PIP5K1B: variants seen among roughly 807,000 people sequenced by gnomAD.
PIP5K1B encodes the protein phosphatidylinositol-4-phosphate 5-kinase type 1 beta, also known as phosphatidylinositol 4-phosphate 5-kinase type-1 beta.
A neutral mutation model predicts 67.0 loss-of-function variants in PIP5K1B; 42 were observed. The ratio of observed to expected loss-of-function variants is 0.63; its 90% CI spans 0.49 to 0.81. The LOEUF (loss-of-function observed/expected upper bound fraction) is 0.81, where lower values mean the gene tolerates loss of function less well. Ranked by LOEUF, PIP5K1B falls within the 30% of genes least tolerant of loss-of-function variation. The probability of loss-of-function intolerance (pLI) is 0.00; values close to 1 mark genes in which losing one functional copy is unlikely to be tolerated. For synonymous variants in PIP5K1B, 214 were observed against 231.4 expected, an observed-to-expected ratio of 0.92 and a Z score of 0.68; for missense variants, 459 against 646.3, an observed-to-expected ratio of 0.71 and a Z score of 3.14.
At chr9:68,784,218 G>C (rs901316493) in intron 2 of PIP5K1B, 1 of 167,078 alleles carries the variant, frequency 6.0e-6, no homozygotes, top group Non-Finnish European at 1.5e-5. Flanking sequence ...GGCTTACTTA[G>C]CTCGTGTAAG....
chr9:68,951,841 C>A (rs1423336157), intron 14 of PIP5K1B, among the ~76,000 whole-genome samples: 2 of 152,192 alleles, frequency 1.3e-5, no homozygotes, highest in Non-Finnish European at 2.9e-5. Context: ...CATGTGCAAT[C>A]ACCTTCAACT....
intron 14 of PIP5K1B, among the ~76,000 whole-genome samples, chr9:68,969,018 C>T (rs868249445): frequency 1.3e-4 from 20 of 152,120 alleles, no homozygotes; most frequent in African/African-American, 4.6e-4. Context: ...TTCTGAGGGC[C>T]TCATGTGCTT....
intron 14 of PIP5K1B, among the ~76,000 whole-genome samples, chr9:68,982,047 T>C (rs1159511700): frequency 2.0e-5 from 3 of 152,182 alleles, no homozygotes; most frequent in South Asian, 4.1e-4. Context: ...GCAAATTACA[T>C]GCAATTAGCC....
chr9:68,965,051 A>G (rs1640661044), intron 14 of PIP5K1B, among the ~76,000 whole-genome samples: 1 of 152,204 alleles, frequency 6.6e-6, no homozygotes. Context: ...TTATATGGCC[A>G]TGGTTTTCAG....
At chr9:68,815,354 G>A (rs1009429998) in intron 2 of PIP5K1B, among the ~76,000 whole-genome samples, 2 of 151,054 alleles carry the variant, frequency 1.3e-5, no homozygotes, top group African/African-American at 4.9e-5. Flanking sequence ...TATTAATGAC[G>A]AAAGCTAAAA....
chr9:68,848,449 G>A (rs961058557), intron 4 of PIP5K1B, among the ~76,000 whole-genome samples: 14 of 152,138 alleles, frequency 9.2e-5, no homozygotes, highest in African/African-American at 3.4e-4. Context: ...CCCACAAGCT[G>A]CTGTTACATG....
At chr9:68,842,388 G>A (rs1821962105) in intron 4 of PIP5K1B, among the ~76,000 whole-genome samples, 1 of 152,218 alleles carries the variant, frequency 6.6e-6, no homozygotes, top group African/African-American at 2.4e-5. Context: ...TTTAAAAATA[G>A]TAATATCACT....
chr9:68,871,575 A>C (rs1259508077), intron 5 of PIP5K1B, among the ~76,000 whole-genome samples: 9 of 152,354 alleles, frequency 5.9e-5, no homozygotes, highest in African/African-American at 1.7e-4. Context: ...TCAGAATGCC[A>C]GAGCTGGTCT....
intron 2 of PIP5K1B, among the ~76,000 whole-genome samples, chr9:68,802,430 AAATG>A (rs1832648711): frequency 6.7e-6 from 1 of 149,716 alleles, no homozygotes; most frequent in Admixed American, 6.6e-5. Flanking sequence ...GATGGATAGA[AAATG>A]GATGGATGGA....
At chr9:69,000,066 T>C (rs922005531) in intron 15 of PIP5K1B, among the ~76,000 whole-genome samples, 2 of 152,266 alleles carry the variant, frequency 1.3e-5, no homozygotes, top group South Asian at 4.1e-4. Flanking sequence ...GGCGCAAAAA[T>C]GAAGGTGTTA....
rs768206585 is a variant in PIP5K1B at position 68,917,548 on chromosome 9, G to A, written c.772G>A (p.Val258Met). ...CTTCCTGGTTCTTTTTCTCATTCAGGTGCTAGAAAGCTTCAAGATCATGGA... is the reference window on the plus strand; with the variant it reads ...CTTCCTGGTTCTTTTTCTCATTCAGATGCTAGAAAGCTTCAAGATCATGGA... ...LMKTLQRDCR[V>M]LESFKIMDYS... The change falls in exon 9 of 16, where the codon GTG becomes ATG. Residue 258 changes from valine to methionine, a missense_variant and splice_region_variant. Val to Met is a conservative substitution (Grantham distance 21). Around this residue, in one of 2 missense-constraint regions of PIP5K1B, gnomAD observed 290 missense variants for 474.4 expected, o/e 0.61. Coordinates refer to ENST00000265382, the MANE Select transcript of PIP5K1B (RefSeq NM_003558.4). 1.9e-6 allele frequency: 3 copies of A among 1,611,414 alleles called. No individual in the cohort carries two copies. The highest frequency in any genetic ancestry group is 2.2e-5 in the East Asian group (1 of 44,868).
chr9:68,712,067 G>A (rs1026483469), intron 1 of PIP5K1B, among the ~76,000 whole-genome samples: 3 of 152,212 alleles, frequency 2.0e-5, no homozygotes, highest in Non-Finnish European at 4.4e-5. Context: ...TGCTAGAGGT[G>A]GGGCCTGATG....
chr9:68,929,965 C>G (rs1003865140), intron 12 of PIP5K1B, among the ~76,000 whole-genome samples: 1 of 152,350 alleles, frequency 6.6e-6, no homozygotes, highest in East Asian at 1.9e-4. Context: ...CCACCGCACC[C>G]AGCCTCTTTC....
intron 8 of PIP5K1B, among the ~76,000 whole-genome samples, chr9:68,908,352 T>C (rs1355045436): frequency 3.3e-5 from 5 of 151,690 alleles, no homozygotes; most frequent in Admixed American, 6.6e-5. Context: ...TATATATATA[T>C]ACATACACAC....
chr9:68,792,085 G>T (rs558320193), intron 2 of PIP5K1B, among the ~76,000 whole-genome samples: 2 of 152,168 alleles, frequency 1.3e-5, no homozygotes, highest in Non-Finnish European at 1.5e-5. Context: ...CTACAACCAC[G>T]GTCAGTTAGG....
chr9:68,722,774 A>C (rs192858686), intron 1 of PIP5K1B, among the ~76,000 whole-genome samples: 1 of 152,156 alleles, frequency 6.6e-6, no homozygotes, highest in Admixed American at 6.5e-5. Context: ...CAGGGTAATG[A>C]GGATATCACC....
intron 2 of PIP5K1B, among the ~76,000 whole-genome samples, chr9:68,752,784 CTT>C (rs199504036): frequency 0.012 from 1,811 of 152,298 alleles, 15 homozygotes; most frequent in Non-Finnish European, 0.018. Flanking sequence ...TACAAAAACT[CTT>C]TATTGGTTAA....
intron 2 of PIP5K1B, chr9:68,788,553 C>T (rs781708356): frequency 6.9e-5 from 19 of 275,992 alleles, no homozygotes; most frequent in Non-Finnish European, 1.2e-4. Context: ...AGTGGTTCCA[C>T]AGAACAATGG....
intron 12 of PIP5K1B, among the ~76,000 whole-genome samples, 188 bp from the exon 13 acceptor site, chr9:68,934,702 A>G (rs1337831616): frequency 1.3e-5 from 2 of 152,352 alleles, no homozygotes; most frequent in Middle Eastern, 3.4e-3. Context: ...CAAATAATAT[A>G]GCCAATTCAT....
Sources: gnomAD v4.1 joint callset for allele counts (sites outside exome capture counted in the v4.1 genomes callset) on GRCh38, gnomAD v4.1.1 for gene constraint, gnomAD v4.1.1 regional missense constraint, MANE v1.5 for transcripts, NCBI Gene and HGNC (gene_info 2026-07-23, HGNC 2026-07-21) for gene names.